TSPO: variants seen among roughly 807,000 people sequenced by gnomAD.
TSPO encodes benzodiazepine peripheral binding site.
In TSPO, 14 loss-of-function variants were observed where a neutral mutation model predicts 13.9. The ratio of observed to expected loss-of-function variants is 1.01; its 90% CI spans 0.67 to 1.58. The LOEUF (loss-of-function observed/expected upper bound fraction) is 1.58, where lower values mean the gene tolerates loss of function less well. Among genes scored for constraint, TSPO ranks in the 40% most tolerant of loss-of-function variants. The probability of loss-of-function intolerance (pLI) is 0.00; values close to 1 mark genes in which losing one functional copy is unlikely to be tolerated. For missense variants in TSPO, 232 were observed against 229.6 expected, an observed-to-expected ratio of 1.01 and a Z score of -0.07; for synonymous variants, 114 against 105.9, an observed-to-expected ratio of 1.08 and a Z score of -0.47.
intron 1 of TSPO, 50 bp from the exon 2 acceptor site, chr22:43,159,160 G>C (rs1931347780): frequency 1.4e-6 from 2 of 1,380,478 alleles, no homozygotes; most frequent in African/African-American, 1.5e-5. Context: ...ACACGGGCCT[G>C]ACCCCATGGC....
chr22:43,152,587 T>G (rs1228966497), intron 1 of TSPO, among the ~76,000 whole-genome samples: 1 of 152,046 alleles, frequency 6.6e-6, no homozygotes, highest in Non-Finnish European at 1.5e-5. Context: ...CCACTGGCGG[T>G]GAAAGGGGCC....
intron 1 of TSPO, among the ~76,000 whole-genome samples, chr22:43,158,239 C>T (rs745551855): frequency 6.6e-5 from 10 of 152,208 alleles, no homozygotes; most frequent in Admixed American, 2.6e-4. Flanking sequence ...CCTGTGGCAT[C>T]TCCTCCCTGG....
At chr22:43,157,005 G>A (rs934264209) in intron 1 of TSPO, among the ~76,000 whole-genome samples, 2 of 152,166 alleles carry the variant, frequency 1.3e-5, no homozygotes, top group South Asian at 2.1e-4. Flanking sequence ...GTGGACTCAC[G>A]CAGGCTCCAG....
At chr22:43,155,847 C>G (rs1371663689) in intron 1 of TSPO, among the ~76,000 whole-genome samples, 1 of 152,204 alleles carries the variant, frequency 6.6e-6, no homozygotes, top group African/African-American at 2.4e-5. Flanking sequence ...GCCATGTGTG[C>G]CCCCTGGCCT....
rs1272405118 is a variant in TSPO at position 43,162,378 on chromosome 22, TC to T, written c.322-422del. 7.9e-5 allele frequency among the ~76,000 whole-genome samples: 12 copies of T among 152,286 alleles called. 1 individual carries two copies. The highest frequency in any genetic ancestry group is 2.9e-4 in the African/African-American group (12 of 41,560). On this transcript the variant is annotated intron_variant, in intron 3 of 3. Coordinates refer to ENST00000337554, the MANE Select transcript of TSPO (RefSeq NM_000714.6). ...CTCAGGTGATCCACCCGTCTCAGCC[TC>T]CCAAAGTGCTGGGATTACAGGCGTG...
intron 2 of TSPO, 99 bp downstream of exon 2, chr22:43,159,519 G>A (rs1931365904): frequency 4.8e-6 from 6 of 1,248,090 alleles, no homozygotes; most frequent in Non-Finnish European, 6.2e-6. Flanking sequence ...CATGGACCAT[G>A]GCATGGTTTC....
At chr22:43,158,170 A>G (rs1490445782) in intron 1 of TSPO, among the ~76,000 whole-genome samples, 3 of 152,092 alleles carry the variant, frequency 2.0e-5, no homozygotes, top group Non-Finnish European at 2.9e-5. Flanking sequence ...GGCTGCCTCC[A>G]TGTCCCCTGG....
chr22:43,159,177 A>G, intron 1 of TSPO, 33 bp from the exon 2 acceptor site: 4 of 1,432,826 alleles, frequency 2.8e-6, no homozygotes, highest in Non-Finnish European at 2.8e-6. Flanking sequence ...TGGCCTCAGG[A>G]ATGCCCTCAC....
At chr22:43,161,325 A>G (rs1291497889) in intron 3 of TSPO, 135 bp downstream of exon 3, 2 of 1,295,020 alleles carry the variant, frequency 1.5e-6, no homozygotes, top group Non-Finnish European at 2.1e-6. Context: ...TCTAGCTGTA[A>G]GCAGCCCACA....
In TSPO at chr22:43,160,975, T is replaced by A. The variant is rs571888611; in HGVS notation, c.183-77T>A. On this transcript the variant is annotated intron_variant, in intron 2 of 3. Transcript: ENST00000337554. ...TCAGTGTCAGGTCACGTATGAACCA[T>A]CACTGTGCCACTCGGAGGTGGGCAA... 8.4e-5 allele frequency: 129 copies of A among 1,530,680 alleles called. No homozygotes were observed. In the African/African-American group the frequency reaches 1.6e-3, roughly 19 times the overall value. 94.8% of individuals were successfully genotyped at this position (1,530,680 alleles called of 1,614,324 possible).
chr22:43,161,856 T>C (rs1273676955), intron 3 of TSPO, among the ~76,000 whole-genome samples: 1 of 152,118 alleles, frequency 6.6e-6, no homozygotes, highest in African/African-American at 2.4e-5. Context: ...ACTCGCTGTG[T>C]TGCCCAGGGC....
At chr22:43,157,789 A>G (rs1007066955) in intron 1 of TSPO, among the ~76,000 whole-genome samples, 4 of 152,224 alleles carry the variant, frequency 2.6e-5, no homozygotes, top group African/African-American at 4.8e-5. Flanking sequence ...GTGAGCTGAG[A>G]TCGCGCCATT....
At position 43,153,336 on chromosome 22, in the gene TSPO, CTTTTTTTTTTTTT is replaced by C. The variant is rs1052119233; in HGVS notation, c.-30+1746_-30+1758del. On this transcript the variant is annotated intron_variant, in intron 1 of 3. Transcript: ENST00000337554. ...ACTGTTCCTGGCTTATTTGTGTTTT[CTTTTTTTTTTTTT>C]TTTTTTTTTTTTTGAGACGGAGTCT... 5.2e-3 allele frequency among the ~76,000 whole-genome samples: 265 copies of C among 50,742 alleles called. 34 individuals are homozygous for C. Among genetic ancestry groups the C allele is most frequent in the African/African-American group, 0.024 (250 of 10,260 alleles). 33.3% of individuals were successfully genotyped at this position (50,742 alleles called of 152,430 possible).
intron 1 of TSPO, among the ~76,000 whole-genome samples, chr22:43,158,478 G>A (rs1162858878): frequency 6.6e-6 from 1 of 152,152 alleles, no homozygotes; most frequent in South Asian, 2.1e-4. Context: ...TTAGCCCTTT[G>A]TTTTTGGATG....
rs1246409414 is a variant in TSPO at position 43,162,894 on chromosome 22, A to C, written c.413A>C (p.Tyr138Ser). The C allele has an allele frequency of 1.3e-6, 2 of 1,586,362 alleles. No homozygotes were observed. The highest frequency in any genetic ancestry group is 3.6e-5 in the Admixed American group (2 of 55,956). The change falls in exon 4 of 4, where the codon TAC (tyrosine) becomes TCC (serine). Residue 138 changes from tyrosine to serine, a missense_variant. Physicochemically the swap from Tyr to Ser is moderately radical, Grantham distance 144. Transcript: ENST00000337554. ...QVSPLAARLL[Y>S]PYLAWLAFTT... ...AGCCCGCTGGCCGCCCGCCTGCTCT[A>C]CCCCTACCTGGCCTGGCTGGCCTTC...
chr22:43,161,362 C>T (rs1015991137), intron 3 of TSPO, among the ~76,000 whole-genome samples, 172 bp downstream of exon 3: 3 of 152,142 alleles, frequency 2.0e-5, no homozygotes, highest in Admixed American at 6.5e-5. Context: ...CTACTGACTC[C>T]TCCGGTGAGG....
At chr22:43,152,605 A>G (rs753441848) in intron 1 of TSPO, among the ~76,000 whole-genome samples, 2 of 152,244 alleles carry the variant, frequency 1.3e-5, no homozygotes, top group Non-Finnish European at 2.9e-5. Flanking sequence ...GCCGTGTGGC[A>G]AGGACAGGAG....
At chr22:43,152,222 T>G (rs1272316838) in intron 1 of TSPO, 1 of 152,426 alleles carries the variant, frequency 6.6e-6, no homozygotes, top group Non-Finnish European at 1.5e-5. Context: ...GGAGCCCAGG[T>G]AGGAGAAGCG....
At chr22:43,152,502 G>T (rs1049612197) in intron 1 of TSPO, among the ~76,000 whole-genome samples, 5 of 152,280 alleles carry the variant, frequency 3.3e-5, no homozygotes, top group Non-Finnish European at 7.3e-5. Context: ...AAGGCCTACT[G>T]CCAGAACAGT....
Sources: allele counts gnomAD v4.1 joint callset (sites outside exome capture counted in the v4.1 genomes callset), GRCh38; gene constraint gnomAD v4.1.1; transcripts MANE v1.5; gene names NCBI Gene and HGNC (gene_info 2026-07-23, HGNC 2026-07-21).